Variants in CASTOR1 observed in about 807,000 individuals in gnomAD.
CASTOR1 encodes the protein GATS protein like 3.
Under a neutral mutation model 33.7 loss-of-function variants are expected in CASTOR1, and 18 were observed. The observed-to-expected ratio is 0.53, with a 90% CI of 0.37 to 0.79. CASTOR1 has a LOEUF of 0.79. CASTOR1 is among the 30% of genes least tolerant of loss of function. CASTOR1 has a pLI of 0.00. For missense variants in CASTOR1, 362 were observed against 446.3 expected (o/e 0.81, Z 1.70); for synonymous variants, 175 against 190.6 (o/e 0.92, Z 0.67).
chr22:30,287,031 G>A (rs1417858437), intron 4 of CASTOR1, 83 bp from the exon 5 acceptor site: 2 of 1,557,770 alleles, frequency 1.3e-6, no homozygotes, highest in East Asian at 2.3e-5. Context: ...GCGTGGGCCA[G>A]GGGCAGGTCT....
chr22:30,286,616 A>G (rs1929777046), intron 5 of CASTOR1: 2 of 716,610 alleles, frequency 2.8e-6, no homozygotes, highest in Non-Finnish European at 4.8e-6. Context: ...AGACCAGGGC[A>G]TGGCTCAGAC....
chr22:30,285,990 C>A (rs759609513), intron 7 of CASTOR1, 26 bp downstream of exon 7: 2 of 1,585,128 alleles, frequency 1.3e-6, no homozygotes, highest in Non-Finnish European at 1.7e-6. Flanking sequence ...ACTCCCCAGC[C>A]CCCCAACACC....
chr22:30,287,340 C>G (rs1929805246), intron 3 of CASTOR1, 33 bp downstream of exon 3: 2 of 1,595,598 alleles, frequency 1.3e-6, no homozygotes, highest in Admixed American at 1.7e-5. Context: ...CTATATCCAC[C>G]CTGCTCTGCA....
chr22:30,287,331 T>C, intron 3 of CASTOR1, 42 bp downstream of exon 3: 1 of 1,586,986 alleles, frequency 6.3e-7, no homozygotes, highest in African/African-American at 1.3e-5. Flanking sequence ...CCCAGGTACC[T>C]ATATCCACCC....
rs778164967 is a variant in CASTOR1 at position 30,286,108 on chromosome 22, G to A, written c.744-10C>T. Reference sequence around the variant, plus strand: ...GAGGTCACTGGGGAACCTGGGGAGGGAGATGGGTGATGGGCAGGGCACCCC... The same window carrying A: ...GAGGTCACTGGGGAACCTGGGGAGGAAGATGGGTGATGGGCAGGGCACCCC... On this transcript the variant is annotated splice_polypyrimidine_tract_variant and intron_variant, in intron 6 of 8. Coordinates refer to ENST00000407689, the MANE Select transcript of CASTOR1 (RefSeq NM_001037666.3). 9.0e-6 allele frequency: 14 copies of A among 1,560,264 alleles called. No individual in the cohort carries two copies. Among genetic ancestry groups the A allele is most frequent in the Non-Finnish European group, 1.2e-5 (14 of 1,151,330 alleles).
At position 30,287,237 on chromosome 22, in the gene CASTOR1, G is replaced by C; in HGVS notation, c.423C>G (p.Phe141Leu). Residue 141 changes from phenylalanine to leucine, a missense_variant, in exon 4 of 9, where the codon TTC (phenylalanine) becomes TTG (leucine). By Grantham distance (22) the Phe-to-Leu change is conservative (BLOSUM62 0). Transcript: ENST00000407689. ...CTCCGCCCACCTCGCGGTAAATGTC[G>C]AACTCCTGGGCCAGCGTGTGGATCA... ...SVVIHTLAQE[F>L]DIYREVGGEP... The C allele has an allele frequency of 1.3e-6, 2 of 1,589,546 alleles. No homozygotes were observed. Among genetic ancestry groups the C allele is most frequent in the Non-Finnish European group, 1.7e-6 (2 of 1,165,718 alleles).
In CASTOR1 at chr22:30,286,356, G is replaced by C. The variant is rs1437256728; in HGVS notation, c.650C>G (p.Ser217Cys). The part of the protein sequence containing the change: ...YSHSTPKEAA[S>C]SSPEPSSITF... ...GATGGAGCTGGGTTCAGGACTGCTA[G>C]AGGCTGCCTCCTTGGGGGTGCTGGG... Residue 217 changes from serine to cysteine, a missense_variant, in exon 6 of 9, where the codon TCT (serine) becomes TGT (cysteine). Transcript: ENST00000407689. 1 of 1,613,712 alleles carries C rather than the reference G, an allele frequency of 6.2e-7. No individual in the cohort carries two copies. Among genetic ancestry groups the C allele is most frequent in the East Asian group, 2.2e-5 (1 of 44,888 alleles).
In CASTOR1 at chr22:30,285,925, A is replaced by T. The variant is rs757768327; in HGVS notation, c.828T>A (p.Asp276Glu). 16 of 1,604,896 alleles carry T rather than the reference A, an allele frequency of 1.0e-5. No homozygotes were observed. The highest frequency in any genetic ancestry group is 1.7e-5 in the Admixed American group (1 of 58,446). ...VRIGGQPLGF[D>E]ECGIVAQIAG... is the part of the protein sequence containing the mutation. ...CAATCTGTGCCACGATGCCACATTC[A>T]TCTGAGGGTGGTGGAGGAAGGCCAC... Residue 276 changes from aspartate to glutamate, a missense_variant and splice_region_variant, in exon 8 of 9, where the codon GAT becomes GAA. Coordinates refer to ENST00000407689, the MANE Select transcript of CASTOR1 (RefSeq NM_001037666.3).
At chr22:30,285,981 C>T (rs941241835) in intron 7 of CASTOR1, 35 bp downstream of exon 7, 1 of 1,580,332 alleles carries the variant, frequency 6.3e-7, no homozygotes, top group Non-Finnish European at 8.6e-7. Flanking sequence ...TCCCCAGACA[C>T]TCCCCAGCCC....
rs910942531 is a variant in CASTOR1 at position 30,285,566 on chromosome 22, T to C, written c.*54A>G. On this transcript the variant is annotated 3_prime_UTR_variant, in exon 9 of 9. Coordinates refer to ENST00000407689, the MANE Select transcript of CASTOR1 (RefSeq NM_001037666.3). ...TTAAGGAAATAGCTTAGAGAAGTCT[T>C]TGGAAGCCTGGGTCGAGGGGAGAGC... 1.5e-6 allele frequency: 2 copies of C among 1,376,418 alleles called. No individual in the cohort carries two copies. Among genetic ancestry groups the C allele is most frequent in the South Asian group, 2.5e-5 (2 of 79,404 alleles). 85.3% of individuals were successfully genotyped at this position (1,376,418 alleles called of 1,614,324 possible).
chr22:30,289,318 C>G, intron 1 of CASTOR1, 67 bp downstream of exon 1: 1 of 1,180,890 alleles, frequency 8.5e-7, no homozygotes. Context: ...CCTAATCCTC[C>G]GACCCTGGCC....
Position 30,288,782 on chromosome 22 carries a change from TG to T in CASTOR1, c.114-7del, listed in dbSNP as rs750134212. 1 of 1,608,084 alleles carries T rather than the reference TG, an allele frequency of 6.2e-7. No homozygotes were observed. Among genetic ancestry groups the T allele is most frequent in the Non-Finnish European group, 8.5e-7 (1 of 1,177,696 alleles). On this transcript the variant is annotated splice_polypyrimidine_tract_variant and splice_region_variant and intron_variant, in intron 1 of 8. Coordinates refer to ENST00000407689, the MANE Select transcript of CASTOR1 (RefSeq NM_001037666.3). The stretch of plus-strand genomic sequence containing the variant: ...TCAGGCTGAAGAACTTGCACCTGGT[TG>T]GGGGTGGGGAGCATCTTCAGCTTGG...
At position 30,286,063 on chromosome 22, in the gene CASTOR1, C is replaced by T; in HGVS notation, c.779G>A (p.Gly260Glu). The T allele has an allele frequency of 1.3e-6, 2 of 1,582,894 alleles. No homozygotes were observed. Among genetic ancestry groups the T allele is most frequent in the Non-Finnish European group, 1.7e-6 (2 of 1,162,506 alleles). The change falls in exon 7 of 9, where the codon GGG (glycine) becomes GAG (glutamate). Residue 260 changes from glycine to glutamate, a missense_variant. Gly to Glu is a moderately conservative substitution (Grantham distance 98, BLOSUM62 -2). Coordinates refer to ENST00000407689, the MANE Select transcript of CASTOR1 (RefSeq NM_001037666.3). ...PSDLLLTSSS[G>E]ELWRMVRIGG... ...GATGCGCACCATCCTCCACAGCTCCCCCGAGGAGCTGGTCAGCAGGAGGTC... is the reference window on the plus strand; with the variant it reads ...GATGCGCACCATCCTCCACAGCTCCTCCGAGGAGCTGGTCAGCAGGAGGTC...
rs1315287825 is a variant in CASTOR1, at chr22:30,288,711, A to G, written c.179T>C (p.Phe60Ser). 6 of 1,611,828 alleles carry G rather than the reference A, an allele frequency of 3.7e-6. No individual in the cohort carries two copies. In the Middle Eastern group the frequency reaches 8.3e-4, roughly 222 times the overall value. ...DYTLMVDEEG[F>S]KELPPSEFLQ... ...TTCCCCAGACCAACCCCCACCTTTA[A>G]AGCCCTCCTCGTCCACCATAAGCGT... Residue 60 changes from phenylalanine to serine, a missense_variant, in exon 2 of 9, where the codon TTT (phenylalanine) becomes TCT (serine). Physicochemically the swap from Phe to Ser is radical, Grantham distance 155. Transcript: ENST00000407689.
In CASTOR1 at chr22:30,285,638, C is replaced by A; in HGVS notation, c.972G>T (p.Gln324His). Residue 324 changes from glutamine to histidine, a missense_variant, in exon 9 of 9, where the codon CAG (glutamine) becomes CAT (histidine). Coordinates refer to ENST00000407689, the MANE Select transcript of CASTOR1 (RefSeq NM_001037666.3). ...GSVIEVLQRR[Q>H]EGLAS ...ATGGGCCTCAGGAAGCCAGGCCTTC[C>A]TGCCGCCGCTGGAGGACCTCGATGA... 6.4e-7 allele frequency: 1 copy of A among 1,567,238 alleles called. No homozygotes were observed. The highest frequency in any genetic ancestry group is 8.6e-7 in the Non-Finnish European group (1 of 1,157,384).
chr22:30,287,139 AG>A lies in CASTOR1; in HGVS notation c.505+15del. The A allele has an allele frequency of 1.2e-6, 2 of 1,604,066 alleles. No homozygotes were observed. Among genetic ancestry groups the A allele is most frequent in the Non-Finnish European group, 1.7e-6 (2 of 1,174,006 alleles). The stretch of plus-strand genomic sequence containing the variant: ...GAGGCCCTGCCCAAGTCCAAGTGTC[AG>A]GGGGCGGCCCTCACCATGCTGAGTG... On this transcript the variant is annotated intron_variant, in intron 4 of 8. Transcript: ENST00000407689.
At chr22:30,287,910 G>C in intron 2 of CASTOR1, 3 of 517,466 alleles carry the variant, frequency 5.8e-6, no homozygotes, top group South Asian at 1.5e-5. Flanking sequence ...GTCTTCTGTG[G>C]GTTAGCAGAA....
rs762380471 is a variant in CASTOR1, at chr22:30,289,366, C to A, written c.113+19G>T. On this transcript the variant is annotated intron_variant, in intron 1 of 8. Coordinates refer to ENST00000407689, the MANE Select transcript of CASTOR1 (RefSeq NM_001037666.3). ...AGAGCCCCCAGCCCCTATCTGCGCT[C>A]CCGAACCCGGGCGCGCACCGGCTGC... is the stretch of plus-strand genomic sequence containing the variant. The A allele has an allele frequency of 2.0e-5, 31 of 1,570,694 alleles. No individual in the cohort carries two copies. The highest frequency in any genetic ancestry group is 3.5e-6 in the Non-Finnish European group (4 of 1,151,538).
intron 2 of CASTOR1, 110 bp downstream of exon 2, chr22:30,288,596 G>T: frequency 1.1e-6 from 1 of 907,658 alleles, no homozygotes; most frequent in Non-Finnish European, 1.7e-6. Flanking sequence ...CGACCCATCT[G>T]CTTTTAAGGC....
Sources: gnomAD v4.1 joint callset for allele counts on GRCh38, gnomAD v4.1.1 for gene constraint, MANE v1.5 for transcripts, NCBI Gene and HGNC (gene_info 2026-07-23, HGNC 2026-07-21) for gene names.